CTBP2: variants seen among roughly 807,000 people sequenced by gnomAD.
CTBP2 encodes the protein C-terminal binding protein 2.
A neutral mutation model predicts 80.3 loss-of-function variants in CTBP2; 30 were observed. The observed-to-expected ratio is 0.37, with a 90% CI of 0.28 to 0.51. CTBP2 has a LOEUF of 0.51. Ranked by LOEUF, CTBP2 falls within the 20% of genes least tolerant of loss-of-function variation. The pLI is 0.93. For synonymous variants in CTBP2, 594 were observed against 587.4 expected (o/e 1.01, Z -0.16); for missense variants, 1,212 against 1,375.3 (o/e 0.88, Z 1.88).
At chr10:125,130,233 A>G (rs1855941701) in intron 1 of CTBP2, among the ~76,000 whole-genome samples, 1 of 152,132 alleles carries the variant, frequency 6.6e-6, no homozygotes, top group Non-Finnish European at 1.5e-5. Context: ...TTTTTAGTAC[A>G]GATGGGGTTT....
intron 4 of CTBP2, chr10:124,995,994 A>AAGC (rs1348193779): frequency 6.6e-6 from 1 of 151,760 alleles, no homozygotes; most frequent in African/African-American, 2.4e-5. Flanking sequence ...GCCTGTGGAA[A>AAGC]AGCAGCCCAG....
In CTBP2 at chr10:125,160,300, C is replaced by T. The variant is rs967231990; in HGVS notation, c.-206+19G>A. 1 of 152,104 alleles carries T rather than the reference C, an allele frequency of 6.6e-6. No homozygotes were observed. Among genetic ancestry groups the T allele is most frequent in the African/African-American group, 2.4e-5 (1 of 41,236 alleles). The allele number at this position is 152,104 out of a possible 1,614,324, so 9.4% of individuals were successfully genotyped here. A position where few individuals can be genotyped will look rare whatever the true frequency, so the allele number is the denominator to read the frequency against. On this transcript the variant is annotated intron_variant, in intron 1 of 10. Transcript: ENST00000337195. ...CGGGGGCGGCGGCGGCCCCAGCCCTCCCCCGGGGCCCCCCTTACCTCGTCC... is the reference window on the plus strand; with the variant it reads ...CGGGGGCGGCGGCGGCCCCAGCCCTTCCCCGGGGCCCCCCTTACCTCGTCC...
At chr10:124,993,462 T>C in intron 6 of CTBP2, 133 bp from the exon 9 acceptor site, 1 of 1,032,216 alleles carries the variant, frequency 9.7e-7, no homozygotes, top group Non-Finnish European at 1.4e-6. Flanking sequence ...ACATCTGTGA[T>C]GATATTTTAT....
chr10:125,135,141 A>AC (rs1281577603), intron 1 of CTBP2, among the ~76,000 whole-genome samples: 1 of 151,796 alleles, frequency 6.6e-6, no homozygotes, highest in Non-Finnish European at 1.5e-5. Context: ...TTCCTCCTGC[A>AC]CCCTGGGAGG....
chr10:125,104,044 G>A (rs556390253), intron 2 of CTBP2, among the ~76,000 whole-genome samples: 1 of 152,326 alleles, frequency 6.6e-6, no homozygotes, highest in East Asian at 1.9e-4. Flanking sequence ...GAAAGGTGTT[G>A]CATTACAAGG....
Position 125,026,536 on chromosome 10 carries a change from G to T in CTBP2, c.1224C>A (p.Ser408Arg), listed in dbSNP as rs376819281. 1 of 1,587,494 alleles carries T rather than the reference G, an allele frequency of 6.3e-7. No homozygotes were observed. Among genetic ancestry groups the T allele is most frequent in the South Asian group, 1.1e-5 (1 of 88,596 alleles). Residue 408 changes from serine (S) to arginine (R), a missense_variant, in exon 1 of 9, where the codon AGC becomes AGA. Physicochemically the swap from Ser to Arg is moderately radical, Grantham distance 110. Around this residue, in one of 3 missense-constraint regions of CTBP2, gnomAD observed 848 missense variants for 782.3 expected, o/e 1.08. Transcript: ENST00000309035. ...TCTCCAGGAGGTGCTGAGATGGTGC[G>T]CTGGAGGGACGGCGAGCCGGGTCTC...
chr10:125,138,563 A>G (rs1857311553), intron 1 of CTBP2, among the ~76,000 whole-genome samples: 2 of 152,008 alleles, frequency 1.3e-5, no homozygotes, highest in South Asian at 4.2e-4. Flanking sequence ...AGGCTCGTGG[A>G]TAATCAAATG....
Position 124,985,578 on chromosome 10 carries a change from A to C in CTBP2, c.*3940T>G, listed in dbSNP as rs1055278037. ...TCTTTTAGGAACAAACTGCAAGAAA[A>C]GCTAAGAATGTTTTAGAGTGAACTA... is the stretch of plus-strand genomic sequence containing the variant. On this transcript the variant is annotated 3_prime_UTR_variant, in exon 9 of 9. Transcript: ENST00000309035. 2 of 152,716 alleles carry C rather than the reference A, an allele frequency of 1.3e-5. No individual in the cohort carries two copies. Among genetic ancestry groups the C allele is most frequent in the African/African-American group, 2.4e-5 (1 of 41,470 alleles). The allele number at this position is 152,716 out of a possible 1,614,324, so 9.5% of individuals were successfully genotyped here.
chr10:125,012,194 G>C (rs1299168702), intron 1 of CTBP2, among the ~76,000 whole-genome samples: 1 of 152,252 alleles, frequency 6.6e-6, no homozygotes, highest in Non-Finnish European at 1.5e-5. Context: ...CAGTGGCCCA[G>C]CCTCACATGG....
At chr10:125,104,012 G>T (rs187350843) in intron 2 of CTBP2, among the ~76,000 whole-genome samples, 1 of 152,180 alleles carries the variant, frequency 6.6e-6, no homozygotes, top group Non-Finnish European at 1.5e-5. Flanking sequence ...TAGCTGAACC[G>T]GAAGAGGGAA....
chr10:125,077,251 T>C (rs1846407014), intron 2 of CTBP2, among the ~76,000 whole-genome samples: 1 of 152,210 alleles, frequency 6.6e-6, no homozygotes, highest in Non-Finnish European at 1.5e-5. Flanking sequence ...TGTAGGTTTA[T>C]ATACATAAAG....
At chr10:125,106,049 T>C (rs1315057816) in intron 2 of CTBP2, among the ~76,000 whole-genome samples, 1 of 152,164 alleles carries the variant, frequency 6.6e-6, no homozygotes, top group Admixed American at 6.5e-5. Context: ...CTGACCCGTG[T>C]CTCTGGCTGT....
upstream of CTBP2, among the ~76,000 whole-genome samples, chr10:125,028,507 C>A (rs1392391136): frequency 1.3e-5 from 2 of 152,228 alleles, no homozygotes; most frequent in Admixed American, 6.5e-5. Context: ...AAACCTGATG[C>A]TTTGATAATA....
chr10:125,132,400 A>G (rs539878559), intron 1 of CTBP2, among the ~76,000 whole-genome samples: 45 of 152,340 alleles, frequency 3.0e-4, no homozygotes, highest in African/African-American at 1.1e-3. Context: ...AGTGTCTTCA[A>G]TGAAGTCTTC....
intron 5 of CTBP2, 93 bp downstream of exon 7, chr10:124,994,376 C>G: frequency 7.9e-7 from 1 of 1,264,962 alleles, no homozygotes; most frequent in Non-Finnish European, 1.1e-6. Flanking sequence ...TATCCAGAAA[C>G]CACCTCCGTT....
rs753486602 is a variant in CTBP2 at position 125,027,145 on chromosome 10, G to GT, written c.614dup (p.Tyr205Ter). ...TGTCGCTGAAGACCTGGCTGAGGGG[G>GT]TAGGCAGGCACCTCCGCCCCATACC... Residue 205 changes from tyrosine to a stop codon, truncating the protein, a stop_gained and frameshift_variant, in exon 1 of 9, where the codon TAC becomes TAAC. Transcript: ENST00000309035. LOFTEE classifies it high-confidence loss of function. 1.2e-6 allele frequency: 2 copies of GT among 1,604,278 alleles called. No individual in the cohort carries two copies. Among genetic ancestry groups the GT allele is most frequent in the South Asian group, 1.1e-5 (1 of 90,560 alleles).
intron 1 of CTBP2, among the ~76,000 whole-genome samples, chr10:125,156,147 A>G (rs1057369549): frequency 6.6e-6 from 1 of 152,208 alleles, no homozygotes; most frequent in Non-Finnish European, 1.5e-5. Flanking sequence ...CTACCATCCC[A>G]AAGTGGAAAT....
At chr10:125,065,973 C>G in intron 2 of CTBP2, among the ~76,000 whole-genome samples, 1 of 151,798 alleles carries the variant, frequency 6.6e-6, no homozygotes, top group Non-Finnish European at 1.5e-5. Context: ...TGGTGGCATG[C>G]GCCTGTAATC....
rs3198923 is a variant in CTBP2, at chr10:125,003,431, G to A, written c.1740C>T (p.Asp580=). 46 of 1,584,624 alleles carry A rather than the reference G, an allele frequency of 2.9e-5. No homozygotes were observed. Among genetic ancestry groups the A allele is most frequent in the South Asian group, 1.6e-4 (14 of 87,402 alleles). Reference sequence around the variant, plus strand: ...GCATCTCCACAGTGCAGTCGCGGCCGTCCAGCAGCGCCACCAGGGGGCGGG... The same window carrying A: ...GCATCTCCACAGTGCAGTCGCGGCCATCCAGCAGCGCCACCAGGGGGCGGG... The change falls in exon 2 of 9, where the codon GAC becomes GAT. Residue 580 remains aspartate (D), a synonymous_variant. Coordinates refer to ENST00000309035, the MANE Select transcript of CTBP2 (RefSeq NM_022802.3).
Sources: gnomAD v4.1 joint callset for allele counts (sites outside exome capture counted in the v4.1 genomes callset) on GRCh38, gnomAD v4.1.1 for gene constraint, gnomAD v4.1.1 regional missense constraint, MANE v1.5 for transcripts, NCBI Gene and HGNC (gene_info 2026-07-23, HGNC 2026-07-21) for gene names.